GABRA4: variants seen among roughly 807,000 people sequenced by gnomAD.
GABRA4 encodes the protein gamma-aminobutyric acid receptor subunit alpha-4.
GABRA4 carries 12 observed loss-of-function variants against 49.7 expected under a neutral mutation model. That is an observed-to-expected ratio of 0.24 (90% confidence interval 0.15 to 0.39). GABRA4 has a LOEUF of 0.39. Among genes scored for constraint, GABRA4 ranks in the 10% least tolerant of loss-of-function variants. The probability of loss-of-function intolerance (pLI) is 1.00; values close to 1 mark genes in which losing one functional copy is unlikely to be tolerated. For missense variants in GABRA4, 506 were observed against 686.0 expected (o/e 0.74, Z 2.93); for synonymous variants, 288 against 240.2 (o/e 1.20, Z -1.84).
intron 2 of GABRA4, among the ~76,000 whole-genome samples, chr4:46,990,720 CACA>C (rs1723713698): frequency 6.6e-6 from 1 of 152,084 alleles, no homozygotes. Flanking sequence ...AACGATTCTC[CACA>C]ACACTATTTT....
intron 8 of GABRA4, among the ~76,000 whole-genome samples, chr4:46,946,689 T>C (rs1054260868): frequency 7.9e-5 from 12 of 152,150 alleles, no homozygotes; most frequent in Middle Eastern, 3.2e-3. Context: ...GTACAACGCC[T>C]GGCACAAATT....
intron 2 of GABRA4, among the ~76,000 whole-genome samples, chr4:46,979,457 C>T (rs1378558237): frequency 6.6e-6 from 1 of 151,938 alleles, no homozygotes; most frequent in African/African-American, 2.4e-5. Flanking sequence ...AAGAAGTGAG[C>T]TGTTAAAAAG....
chr4:46,964,930 A>T, intron 8 of GABRA4, 40 bp downstream of exon 8: 1 of 1,502,440 alleles, frequency 6.7e-7, no homozygotes, highest in Non-Finnish European at 8.9e-7. Context: ...TTTGACCAAG[A>T]AGCTAAAATC....
At position 46,919,132 on chromosome 4, in the gene GABRA4, A is replaced by T. The variant is rs1380381629; in HGVS notation, c.*9093T>A. ...TCTACAATGCTATGCTCTAGTATAA[A>T]CTTTGTTTTAAGAAGCAAAGTAACT... On this transcript the variant is annotated 3_prime_UTR_variant, in exon 9 of 9. Transcript: ENST00000264318. 1 of 151,552 alleles carries T rather than the reference A, an allele frequency of 6.6e-6. No individual in the cohort carries two copies. The highest frequency in any genetic ancestry group is 1.5e-5 in the Non-Finnish European group (1 of 67,586). 9.4% of individuals were successfully genotyped at this position (151,552 alleles called of 1,614,324 possible).
intron 8 of GABRA4, among the ~76,000 whole-genome samples, chr4:46,962,444 A>T (rs1722611667): frequency 6.6e-6 from 1 of 151,950 alleles, no homozygotes; most frequent in East Asian, 1.9e-4. Flanking sequence ...AACACTGATG[A>T]AATAAATTGA....
At position 46,974,410 on chromosome 4, in the gene GABRA4, G is replaced by C. The variant is rs917150969; in HGVS notation, c.578-35C>G. 11 of 1,580,396 alleles carry C rather than the reference G, an allele frequency of 7.0e-6. No homozygotes were observed. In the African/African-American group the frequency reaches 1.5e-4, roughly 21 times the overall value. ...AGCACAGAATGTGGTTAGAGTCAATGCTCCTTTTTCATCCACATCAGTGGT... is the reference window on the plus strand; with the variant it reads ...AGCACAGAATGTGGTTAGAGTCAATCCTCCTTTTTCATCCACATCAGTGGT... On this transcript the variant is annotated intron_variant, in intron 5 of 8. Coordinates refer to ENST00000264318, the MANE Select transcript of GABRA4 (RefSeq NM_000809.4).
At chr4:46,962,466 A>G (rs1383478106) in intron 8 of GABRA4, among the ~76,000 whole-genome samples, 1 of 151,974 alleles carries the variant, frequency 6.6e-6, no homozygotes, top group Non-Finnish European at 1.5e-5. Flanking sequence ...CAGGACACCA[A>G]AAAATGGAAA....
At chr4:46,986,276 C>T (rs373279193) in intron 2 of GABRA4, among the ~76,000 whole-genome samples, 4 of 151,954 alleles carry the variant, frequency 2.6e-5, no homozygotes, top group African/African-American at 4.8e-5. Flanking sequence ...CATTCTCTCT[C>T]GAATGCACTC....
At chr4:46,937,830 T>C (rs1721652066) in intron 8 of GABRA4, among the ~76,000 whole-genome samples, 1 of 152,144 alleles carries the variant, frequency 6.6e-6, no homozygotes, top group Non-Finnish European at 1.5e-5. Flanking sequence ...CCTCAGAGTT[T>C]AGACATAATT....
intron 8 of GABRA4, among the ~76,000 whole-genome samples, chr4:46,930,758 C>A (rs1284193962): frequency 6.6e-6 from 1 of 151,586 alleles, no homozygotes; most frequent in Non-Finnish European, 1.5e-5. Context: ...TGGAGACTTT[C>A]CCTTCCAGCC....
chr4:46,972,765 C>T (rs537794571), intron 6 of GABRA4, among the ~76,000 whole-genome samples: 7 of 151,688 alleles, frequency 4.6e-5, no homozygotes, highest in Non-Finnish European at 5.9e-5. Context: ...TTCCTCCTCC[C>T]GGAGGCCCCT....
rs1048196458 is a variant in GABRA4 at position 46,922,059 on chromosome 4, G to A, written c.*6166C>T. 4.1e-4 allele frequency: 62 copies of A among 152,000 alleles called. No homozygotes were observed. Among genetic ancestry groups the A allele is most frequent in the African/African-American group, 1.4e-3 (56 of 41,376 alleles). 9.4% of individuals were successfully genotyped at this position (152,000 alleles called of 1,614,324 possible). ...TCATACGATTTTACTATATACTTCCGAATAGTGGAATGTAGAGGTAAAGAT... is the reference window on the plus strand; with the variant it reads ...TCATACGATTTTACTATATACTTCCAAATAGTGGAATGTAGAGGTAAAGAT... On this transcript the variant is annotated 3_prime_UTR_variant, in exon 9 of 9. Transcript: ENST00000264318.
rs1721039793 is a variant in GABRA4 at position 46,921,649 on chromosome 4, C to T, written c.*6576G>A. 6.6e-6 allele frequency: 1 copy of T among 151,888 alleles called. No homozygotes were observed. The highest frequency in any genetic ancestry group is 2.4e-5 in the African/African-American group (1 of 41,362). 9.4% of individuals were successfully genotyped at this position (151,888 alleles called of 1,614,324 possible). A position where few individuals can be genotyped will look rare whatever the true frequency, so the allele number is the denominator to read the frequency against. On this transcript the variant is annotated 3_prime_UTR_variant, in exon 9 of 9. Transcript: ENST00000264318. The stretch of plus-strand genomic sequence containing the variant: ...AGCCATGTAGCTCTGGTGGTCATAT[C>T]AGTAAAAGATACTCTGGTCAATCCC...
Position 46,928,489 on chromosome 4 carries a change from C to G in GABRA4, c.1401G>C (p.Lys467Asn). ...TSIRTGYMPR[K>N]ASVGSASTRH... ...GAGTAGAAGCAGATCCAACTGAAGC[C>G]TTTCGAGGCATATATCCAGTTCGGA... The change falls in exon 9 of 9, where the codon AAG (lysine) becomes AAC (asparagine). Residue 467 changes from lysine to asparagine, a missense_variant. Transcript: ENST00000264318. 1 of 1,613,620 alleles carries G rather than the reference C, an allele frequency of 6.2e-7. No homozygotes were observed.
At chr4:46,954,751 G>C (rs1722284288) in intron 8 of GABRA4, among the ~76,000 whole-genome samples, 1 of 152,122 alleles carries the variant, frequency 6.6e-6, no homozygotes, top group Non-Finnish European at 1.5e-5. Context: ...CTGGAGAACT[G>C]AGAGAGACAA....
At chr4:46,956,563 T>TC (rs1722370846) in intron 8 of GABRA4, among the ~76,000 whole-genome samples, 2 of 151,922 alleles carry the variant, frequency 1.3e-5, no homozygotes, top group Admixed American at 1.3e-4. Flanking sequence ...TGCTTTTTTT[T>TC]CCCCCAAAGT....
intron 8 of GABRA4, among the ~76,000 whole-genome samples, chr4:46,946,332 C>G (rs896096109): frequency 6.6e-6 from 1 of 152,112 alleles, no homozygotes; most frequent in African/African-American, 2.4e-5. Flanking sequence ...AATGAACTAT[C>G]AAATGAAATT....
At chr4:46,983,187 A>G (rs1382726890) in intron 2 of GABRA4, among the ~76,000 whole-genome samples, 1 of 152,124 alleles carries the variant, frequency 6.6e-6, no homozygotes, top group Non-Finnish European at 1.5e-5. Context: ...TTACTATACT[A>G]CATTATATCA....
At chr4:46,954,061 A>G (rs1261418660) in intron 8 of GABRA4, among the ~76,000 whole-genome samples, 1 of 152,154 alleles carries the variant, frequency 6.6e-6, no homozygotes, top group Non-Finnish European at 1.5e-5. Flanking sequence ...ATATGAATAT[A>G]CATGAAGTGC....
Sources: gnomAD v4.1 joint callset for allele counts (sites outside exome capture counted in the v4.1 genomes callset) on GRCh38, gnomAD v4.1.1 for gene constraint, MANE v1.5 for transcripts, NCBI Gene and HGNC (gene_info 2026-07-23, HGNC 2026-07-21) for gene names.